The following MEIS2 variants were observed in gnomAD, a reference collection of about 807,000 sequenced individuals.
The protein encoded by MEIS2 is homeobox protein Meis2.
MEIS2 carries 9 observed loss-of-function variants against 58.6 expected under a neutral mutation model. The observed-to-expected ratio is 0.15, with a 90% CI of 0.09 to 0.27. MEIS2 has a LOEUF of 0.27. Ranked by LOEUF, MEIS2 falls within the 10% of genes least tolerant of loss-of-function variation. The pLI is 1.00. For synonymous variants in MEIS2, 221 were observed against 228.4 expected (o/e 0.97, Z 0.29); for missense variants, 427 against 635.0 (o/e 0.67, Z 3.52).
chr15:37,063,725 A>T (rs1165335790), intron 7 of MEIS2, among the ~76,000 whole-genome samples: 2 of 152,208 alleles, frequency 1.3e-5, no homozygotes, highest in Non-Finnish European at 2.9e-5. Context: ...AGATTACGAT[A>T]AAGCTAGTAT....
intron 8 of MEIS2, among the ~76,000 whole-genome samples, chr15:36,993,586 C>T (rs538025294): frequency 7.9e-5 from 12 of 152,216 alleles, no homozygotes; most frequent in African/African-American, 2.9e-4. Context: ...TAAGGAATAT[C>T]ACCTCCTAGA....
intron 8 of MEIS2, among the ~76,000 whole-genome samples, chr15:37,011,741 T>A (rs1311268669): frequency 6.7e-6 from 1 of 149,720 alleles, no homozygotes; most frequent in Non-Finnish European, 1.5e-5. Flanking sequence ...TGTCTCAGCC[T>A]CCTGAGTAGC....
chr15:37,053,208 A>C (rs1395492171), intron 7 of MEIS2, among the ~76,000 whole-genome samples: 1 of 152,208 alleles, frequency 6.6e-6, no homozygotes, highest in Non-Finnish European at 1.5e-5. Context: ...GCTACCAATC[A>C]AATAGCAGTC....
chr15:36,942,067 T>C (rs894132735), intron 9 of MEIS2, among the ~76,000 whole-genome samples: 3 of 152,144 alleles, frequency 2.0e-5, no homozygotes, highest in Admixed American at 6.6e-5. Context: ...TATCTCTAAA[T>C]GTTTACCTTG....
At chr15:37,071,829 A>G (rs1471867643) in intron 7 of MEIS2, among the ~76,000 whole-genome samples, 1 of 152,174 alleles carries the variant, frequency 6.6e-6, no homozygotes, top group East Asian at 1.9e-4. Context: ...TATGCCCCAA[A>G]AAGAATCATT....
intron 9 of MEIS2, among the ~76,000 whole-genome samples, chr15:36,918,760 A>T (rs2057380578): frequency 6.6e-6 from 1 of 152,136 alleles, no homozygotes; most frequent in Non-Finnish European, 1.5e-5. Flanking sequence ...AGGAGAGAGA[A>T]CATACCAGAT....
chr15:36,986,332 C>T (rs557258310), intron 8 of MEIS2, among the ~76,000 whole-genome samples: 1 of 152,316 alleles, frequency 6.6e-6, no homozygotes, highest in Non-Finnish European at 1.5e-5. Flanking sequence ...AACTGGGATA[C>T]TACAAACTGC....
chr15:36,966,179 A>G (rs553500657), intron 8 of MEIS2, among the ~76,000 whole-genome samples: 2 of 152,304 alleles, frequency 1.3e-5, no homozygotes, highest in Admixed American at 1.3e-4. Context: ...CCCACTCTGC[A>G]GGAGGAAACA....
At chr15:37,078,247 G>A (rs1292147770) in intron 7 of MEIS2, among the ~76,000 whole-genome samples, 1 of 152,048 alleles carries the variant, frequency 6.6e-6, no homozygotes, top group African/African-American at 2.4e-5. Context: ...GCCCAAGGAA[G>A]AGCAGAGCCA....
intron 8 of MEIS2, among the ~76,000 whole-genome samples, chr15:37,030,877 G>C (rs1174917046): frequency 1.3e-5 from 2 of 151,960 alleles, no homozygotes; most frequent in Non-Finnish European, 2.9e-5. Context: ...TGAGCTTCAG[G>C]CATTCCTCCC....
At chr15:37,041,754 T>A (rs924385662) in intron 7 of MEIS2, among the ~76,000 whole-genome samples, 2 of 152,094 alleles carry the variant, frequency 1.3e-5, no homozygotes, top group Non-Finnish European at 2.9e-5. Flanking sequence ...AATTCTAAGT[T>A]CTAGACCAGG....
At chr15:37,055,558 G>A (rs1888280864) in intron 7 of MEIS2, among the ~76,000 whole-genome samples, 1 of 152,112 alleles carries the variant, frequency 6.6e-6, no homozygotes, top group African/African-American at 2.4e-5. Context: ...CAACCTTGCT[G>A]TAAGCAGTAA....
intron 6 of MEIS2, among the ~76,000 whole-genome samples, chr15:37,086,400 T>C (rs929652921): frequency 6.6e-6 from 1 of 152,190 alleles, no homozygotes; most frequent in Non-Finnish European, 1.5e-5. Context: ...TTTCTTTCAA[T>C]GGTATCTGAA....
Position 37,034,017 on chromosome 15 carries a change from A to G in MEIS2, c.900+2797T>C, listed in dbSNP as rs75179697. On this transcript the variant is annotated intron_variant, in intron 8 of 11. Transcript: ENST00000561208. Reference sequence around the variant, plus strand: ...GAAAAGGCAGAGGAGCGGCACAGAGAGAAAGATGGGAGACAAAGCTAGTGG... The same window carrying G: ...GAAAAGGCAGAGGAGCGGCACAGAGGGAAAGATGGGAGACAAAGCTAGTGG... Among the ~76,000 whole-genome samples, 1,108 of 152,268 alleles carry G rather than the reference A, an allele frequency of 7.3e-3. 7 individuals are homozygous for G. Among genetic ancestry groups the G allele is most frequent in the Middle Eastern group, 0.01 (3 of 294 alleles).
chr15:37,096,365 C>A lies in MEIS2; in HGVS notation c.311G>T (p.Arg104Leu). 1.2e-6 allele frequency: 2 copies of A among 1,613,846 alleles called. No individual in the cohort carries two copies. Among genetic ancestry groups the A allele is most frequent in the South Asian group, 1.1e-5 (1 of 91,022 alleles). ...GTCTCCGCCAGCCACTCCAGGTTCC[C>A]GGGGAGTGCAGGTCGCCAGCTCGCA... ...EKCELATCTP[R>L]EPGVAGGDVC... is the part of the protein sequence containing the mutation. The change falls in exon 3 of 12, where the codon CGG (arginine) becomes CTG (leucine). Residue 104 changes from arginine (R) to leucine (L), a missense_variant. Around this residue, in one of 6 missense-constraint regions of MEIS2, gnomAD observed 138 missense variants for 263.0 expected, o/e 0.52. Coordinates refer to ENST00000561208, the MANE Select transcript of MEIS2 (RefSeq NM_170675.5).
chr15:37,032,806 A>C (rs2061983444), intron 8 of MEIS2, among the ~76,000 whole-genome samples: 3 of 152,184 alleles, frequency 2.0e-5, no homozygotes, highest in African/African-American at 4.8e-5. Context: ...GGTAGTTCGA[A>C]ACAAAAAAAT....
Position 36,890,144 on chromosome 15 carries a change from C to T in MEIS2, c.*2029G>A, listed in dbSNP as rs917100054. 2 of 152,036 alleles carry T rather than the reference C, an allele frequency of 1.3e-5. No homozygotes were observed. Among genetic ancestry groups the T allele is most frequent in the African/African-American group, 2.4e-5 (1 of 41,392 alleles). 9.4% of individuals were successfully genotyped at this position (152,036 alleles called of 1,614,324 possible). A position where few individuals can be genotyped will look rare whatever the true frequency, so the allele number is the denominator to read the frequency against. The stretch of plus-strand genomic sequence containing the variant: ...AGAGATGATGAATAATTTCCTTAGC[C>T]GGTTGACATCACATATCTAGCCAAA... On this transcript the variant is annotated 3_prime_UTR_variant, in exon 12 of 12. Transcript: ENST00000561208.
At chr15:37,099,252 A>ACACG (rs1894797310) in intron 1 of MEIS2, 1 of 1,440,218 alleles carries the variant, frequency 6.9e-7, no homozygotes, top group African/African-American at 1.4e-5. Flanking sequence ...AGACACGCAC[A>ACACG]CACGCACGCA....
chr15:37,063,175 C>G (rs964116519), intron 7 of MEIS2, among the ~76,000 whole-genome samples: 16 of 152,296 alleles, frequency 1.1e-4, no homozygotes, highest in African/African-American at 3.8e-4. Context: ...TATTTTAGGT[C>G]TGACAACAGG....
Sources: allele counts gnomAD v4.1 joint callset (sites outside exome capture counted in the v4.1 genomes callset), GRCh38; gene constraint gnomAD v4.1.1; regional missense constraint gnomAD v4.1.1; transcripts MANE v1.5; gene names NCBI Gene and HGNC (gene_info 2026-07-23, HGNC 2026-07-21).